EVC2: variants seen among roughly 807,000 people sequenced by gnomAD.
EVC2 encodes limbin.
A neutral mutation model predicts 149.3 loss-of-function variants in EVC2; 148 were observed. That is an observed-to-expected ratio of 0.99 (90% CI 0.87 to 1.14). EVC2 has a LOEUF of 1.14. Among genes scored for constraint, EVC2 ranks in the 50% most tolerant of loss-of-function variants. EVC2 has a pLI of 0.00. For missense variants in EVC2, 1,854 were observed against 1,627.3 expected, an observed-to-expected ratio of 1.14 and a Z score of -2.40; for synonymous variants, 776 against 649.9, an observed-to-expected ratio of 1.19 and a Z score of -2.95.
downstream of EVC2, among the ~76,000 whole-genome samples, chr4:5,560,023 A>G (rs2108763236): frequency 6.6e-6 from 1 of 152,222 alleles, no homozygotes; most frequent in African/African-American, 2.4e-5. This position sits in a 1 kb window ranked among gnomAD's most constrained non-coding sequence, Gnocchi z 4.1. Context: ...TTCCCACGGC[A>G]GGATTTTCGT....
chr4:5,584,088 T>C (rs1288479929), intron 17 of EVC2, among the ~76,000 whole-genome samples: 1 of 152,146 alleles, frequency 6.6e-6, no homozygotes, highest in Non-Finnish European at 1.5e-5. Context: ...AGGGGTTTTT[T>C]CCTTATTATA....
chr4:5,533,901 A>C, the EVC2 span, among the ~76,000 whole-genome samples: 2 of 152,244 alleles, frequency 1.3e-5, no homozygotes, highest in Non-Finnish European at 2.9e-5. Context: ...GTCCTGAGGC[A>C]GGACCCTGCT....
intron 17 of EVC2, among the ~76,000 whole-genome samples, chr4:5,579,568 G>A (rs993217453): frequency 2.0e-5 from 3 of 152,208 alleles, no homozygotes; most frequent in South Asian, 2.1e-4. Context: ...GAGGCTGGGC[G>A]TGGTAGCTCA....
At chr4:5,681,473 G>A (rs1359352366) in intron 6 of EVC2, among the ~76,000 whole-genome samples, 160 bp from the exon 7 acceptor site, 2 of 152,206 alleles carry the variant, frequency 1.3e-5, no homozygotes, top group Admixed American at 1.3e-4. Context: ...AGGAGGAAGG[G>A]GCTTTGGGGA....
intron 3 of EVC2, 140 bp from the exon 4 acceptor site, chr4:5,691,473 T>C: frequency 1.4e-6 from 1 of 700,534 alleles, no homozygotes; most frequent in Non-Finnish European, 2.4e-6. Flanking sequence ...TGAAGTCTTA[T>C]TTTTTAAAAG....
chr4:5,544,432 G>A (rs563301070), intron 21 of EVC2, among the ~76,000 whole-genome samples: 4 of 152,202 alleles, frequency 2.6e-5, no homozygotes, highest in East Asian at 1.9e-4. Flanking sequence ...ACACATGCAC[G>A]CACACAAGAG....
intron 7 of EVC2, among the ~76,000 whole-genome samples, chr4:5,665,919 A>C (rs1560209038): frequency 6.6e-6 from 1 of 152,172 alleles, no homozygotes; most frequent in Non-Finnish European, 1.5e-5. Context: ...CGCCTAGCAC[A>C]TCACAGACAC....
At chr4:5,597,822 C>T (rs7677364) in intron 16 of EVC2, among the ~76,000 whole-genome samples, 35,712 of 91,982 alleles carry the variant, frequency 0.39, 7,246 homozygotes, top group East Asian at 0.73. Flanking sequence ...GAAAACCCCA[C>T]TGTCTCAGCC....
chr4:5,561,746 G>A (rs1364419973), downstream of EVC2, among the ~76,000 whole-genome samples: 1 of 152,108 alleles, frequency 6.6e-6, no homozygotes, highest in African/African-American at 2.4e-5. Flanking sequence ...CAGCTTCCTT[G>A]GCAGTAAAAT....
chr4:5,699,642 CAA>C (rs773633372), intron 1 of EVC2, among the ~76,000 whole-genome samples: 6 of 111,710 alleles, frequency 5.4e-5, no homozygotes, highest in Non-Finnish European at 7.1e-5. Context: ...TCCATCTCTA[CAA>C]AAAAAAAAAA....
intron 3 of EVC2, 76 bp downstream of exon 3, chr4:5,694,259 C>T (rs181786826): frequency 6.6e-7 from 1 of 1,511,256 alleles, no homozygotes; most frequent in Non-Finnish European, 9.1e-7. Flanking sequence ...AAACCCGTGC[C>T]ATTTTATATA....
downstream of EVC2, among the ~76,000 whole-genome samples, chr4:5,559,544 C>T (rs868748601): frequency 5.9e-5 from 9 of 152,052 alleles, no homozygotes; most frequent in South Asian, 1.0e-3. The surrounding 1 kb of genome is among the most constrained non-coding windows in gnomAD (Gnocchi z 5.0). Flanking sequence ...ATAAACGATG[C>T]GAATCTTTTC....
chr4:5,691,170 G>A (rs1721092858), intron 4 of EVC2, 95 bp downstream of exon 4: 2 of 1,122,938 alleles, frequency 1.8e-6, no homozygotes, highest in African/African-American at 3.0e-5. Flanking sequence ...GTAAGCCCAT[G>A]ATTTATCAGT....
intron 1 of EVC2, among the ~76,000 whole-genome samples, chr4:5,699,829 AT>A (rs1721717310): frequency 1.3e-5 from 2 of 151,928 alleles, no homozygotes; most frequent in Non-Finnish European, 2.9e-5. Context: ...TCTGAAAAAA[AT>A]AAATAATAAA....
chr4:5,608,779 C>T (rs1054611882), intron 16 of EVC2, among the ~76,000 whole-genome samples: 6 of 151,998 alleles, frequency 3.9e-5, no homozygotes, highest in Non-Finnish European at 5.9e-5. Flanking sequence ...GTGATTCACC[C>T]GCCTCGGCAT....
chr4:5,571,317 CAAAAAAAAA>C (rs1208168465), intron 19 of EVC2, among the ~76,000 whole-genome samples: 1 of 78,506 alleles, frequency 1.3e-5, no homozygotes, highest in Non-Finnish European at 2.1e-5. Flanking sequence ...GACTCCATCT[CAAAAAAAAA>C]AAAAAAAAAA....
intron 2 of EVC2, among the ~76,000 whole-genome samples, chr4:5,695,511 A>G (rs1218567465): frequency 6.6e-6 from 1 of 152,226 alleles, no homozygotes; most frequent in Admixed American, 6.5e-5. Context: ...GATGCGGCCC[A>G]GGTGCTGATC....
chr4:5,583,529 C>T (rs1302855626), intron 17 of EVC2, among the ~76,000 whole-genome samples: 1 of 152,122 alleles, frequency 6.6e-6, no homozygotes, highest in Non-Finnish European at 1.5e-5. Flanking sequence ...CAATTTCTTT[C>T]ATGGCAAGAG....
chr4:5,629,934 G>A lies in EVC2; in HGVS notation c.1711-1200C>T, dbSNP rs146624534. Among the ~76,000 whole-genome samples, 484 of 152,312 alleles carry A rather than the reference G, an allele frequency of 3.2e-3. 1 individual carries two copies. Among genetic ancestry groups the A allele is most frequent in the African/African-American group, 0.011 (460 of 41,546 alleles). On this transcript the variant is annotated intron_variant, in intron 11 of 21. Coordinates refer to ENST00000344408, the MANE Select transcript of EVC2 (RefSeq NM_147127.5). ...GTAGGGCAGTACTGTTATCACCTGT[G>A]GAGTTACTTTCTGGCATAATATCAT... is the stretch of plus-strand genomic sequence containing the variant.
Sources: allele counts gnomAD v4.1 joint callset (sites outside exome capture counted in the v4.1 genomes callset), GRCh38; gene constraint gnomAD v4.1.1; non-coding constraint Gnocchi (gnomAD v3.1); transcripts MANE v1.5; gene names NCBI Gene and HGNC (gene_info 2026-07-23, HGNC 2026-07-21).